Variants in TCP11L2 observed in about 807,000 individuals in gnomAD.
TCP11L2 encodes T-complex protein 11-like protein 2.
In TCP11L2, 39 loss-of-function variants were observed where a neutral mutation model predicts 50.7. The ratio of observed to expected loss-of-function variants is 0.77; its 90% CI spans 0.60 to 1.01. TCP11L2 has a LOEUF of 1.01. TCP11L2 is among the 50% of genes least tolerant of loss of function. The pLI is 0.00. For missense variants in TCP11L2, 612 were observed against 614.7 expected (o/e 1.00, Z 0.05); for synonymous variants, 192 against 219.3 (o/e 0.88, Z 1.10).
chr12:106,307,704 C>T (rs184533412), intron 1 of TCP11L2, among the ~76,000 whole-genome samples: 1 of 152,234 alleles, frequency 6.6e-6, no homozygotes, highest in East Asian at 1.9e-4. Context: ...CAAACAAGTG[C>T]CAAGAGTTCT....
At chr12:106,302,388 CCCCGCTCAGCCCCCGCTCAG>C (rs2034445627), upstream of TCP11L2, among the ~76,000 whole-genome samples, 1 of 89,224 alleles carries the variant, frequency 1.1e-5, no homozygotes, top group Non-Finnish European at 2.3e-5. Context: ...CCCGCTCAGC[CCCCGCTCAGCCCCCGCTCAG>C]CCCCCGCTCC....
intron 7 of TCP11L2, 53 bp from the exon 8 acceptor site, chr12:106,335,979 T>G (rs2035905011): frequency 6.6e-7 from 1 of 1,516,910 alleles, no homozygotes; most frequent in Non-Finnish European, 8.8e-7. Context: ...GTTTTGTATT[T>G]TCATGCTATT....
At chr12:106,330,043 T>C in intron 6 of TCP11L2, 3 of 985,462 alleles carry the variant, frequency 3.0e-6, no homozygotes, top group Non-Finnish European at 3.6e-6. Flanking sequence ...TCTTGGCAAT[T>C]GTCACCTTAT....
chr12:106,335,976 ATTTTC>A, intron 7 of TCP11L2, 51 bp from the exon 8 acceptor site: 1 of 1,515,140 alleles, frequency 6.6e-7, no homozygotes, highest in Non-Finnish European at 8.8e-7. Flanking sequence ...CCTGTTTTGT[ATTTTC>A]ATGCTATTGA....
upstream of TCP11L2, among the ~76,000 whole-genome samples, chr12:106,300,506 A>G (rs2034392229): frequency 6.6e-6 from 1 of 151,802 alleles, no homozygotes; most frequent in Admixed American, 6.6e-5. Flanking sequence ...ATTTTTTTGT[A>G]TTTTTAGTAG....
chr12:106,302,499 C>T (rs1310796480), upstream of TCP11L2, among the ~76,000 whole-genome samples: 1 of 151,054 alleles, frequency 6.6e-6, no homozygotes, highest in Non-Finnish European at 1.5e-5. Context: ...GGCCTCAGTT[C>T]CGTAAACACT....
chr12:106,333,648 CAT>C (rs2035815790), intron 6 of TCP11L2, among the ~76,000 whole-genome samples: 4 of 151,870 alleles, frequency 2.6e-5, no homozygotes, highest in East Asian at 1.9e-4. Flanking sequence ...TAAATATAAA[CAT>C]ATTTATATAT....
intron 1 of TCP11L2, chr12:106,307,475 T>A (rs775203252): frequency 6.6e-6 from 1 of 152,234 alleles, no homozygotes; most frequent in Non-Finnish European, 1.5e-5. Context: ...TTACCTTTCT[T>A]AAAGATACAG....
chr12:106,318,935 C>T (rs1228663249), intron 4 of TCP11L2, among the ~76,000 whole-genome samples: 3 of 150,246 alleles, frequency 2.0e-5, no homozygotes, highest in African/African-American at 7.4e-5. Flanking sequence ...GACGGAGTCT[C>T]ACTCTGTCGC....
At chr12:106,311,463 CTGA>C (rs892206786) in intron 2 of TCP11L2, among the ~76,000 whole-genome samples, 43 of 152,312 alleles carry the variant, frequency 2.8e-4, no homozygotes, top group African/African-American at 1.0e-3. Context: ...CTGTTTCGGT[CTGA>C]TGATAAGTCA....
rs2035002456 is a variant in TCP11L2, at chr12:106,314,572, TGTGTGAGAGAGAGAGA to T, written c.293+81_293+96del. The T allele has an allele frequency of 5.9e-6, 5 of 840,814 alleles. No individual in the cohort carries two copies. In the South Asian group the frequency reaches 7.9e-5, roughly 13 times the overall value. 52.1% of individuals were successfully genotyped at this position (840,814 alleles called of 1,614,324 possible). On this transcript the variant is annotated intron_variant, in intron 3 of 9. Transcript: ENST00000299045. Reference sequence around the variant, plus strand: ...GTGTGTGTGTGTGTGTGTGTGTGTGTGTGTGAGAGAGAGAGAGAGAGAGAGAGAGACAGAGAGAGAG... The same window carrying T: ...GTGTGTGTGTGTGTGTGTGTGTGTGTGAGAGAGAGAGAGACAGAGAGAGAG...
chr12:106,334,194 C>T (rs1471286842), intron 6 of TCP11L2, among the ~76,000 whole-genome samples: 1 of 152,028 alleles, frequency 6.6e-6, no homozygotes, highest in African/African-American at 2.4e-5. Flanking sequence ...GTCAGAAAAG[C>T]CAGGGAAAGA....
chr12:106,312,376 A>G (rs2034896059), intron 2 of TCP11L2: 2 of 1,238,906 alleles, frequency 1.6e-6, no homozygotes, highest in African/African-American at 1.6e-5. Flanking sequence ...GTATATAGAC[A>G]TTTTTAAGGA....
At chr12:106,301,667 G>GT (rs2034419620), upstream of TCP11L2, among the ~76,000 whole-genome samples, 1 of 152,208 alleles carries the variant, frequency 6.6e-6, no homozygotes, top group South Asian at 2.1e-4. Context: ...CAAACTTCAT[G>GT]TAAGTAGTTC....
intron 6 of TCP11L2, among the ~76,000 whole-genome samples, chr12:106,335,051 T>C (rs2035869558): frequency 6.6e-6 from 1 of 152,198 alleles, no homozygotes; most frequent in Non-Finnish European, 1.5e-5. Context: ...CAATTGTTTG[T>C]GGACATGTGC....
intron 6 of TCP11L2, chr12:106,329,206 C>T: frequency 3.4e-6 from 4 of 1,189,422 alleles, no homozygotes; most frequent in Non-Finnish European, 4.8e-6. Flanking sequence ...TTCTCGAGTG[C>T]AGGGACTGTG....
intron 2 of TCP11L2, 47 bp downstream of exon 2, chr12:106,311,279 A>G (rs1358728477): frequency 1.3e-6 from 2 of 1,595,328 alleles, no homozygotes; most frequent in Non-Finnish European, 1.7e-6. Flanking sequence ...GGGTACTTCT[A>G]GATATGTGTT....
chr12:106,315,221 GTA>G (rs2035031433), intron 3 of TCP11L2, among the ~76,000 whole-genome samples: 1 of 151,920 alleles, frequency 6.6e-6, no homozygotes, highest in South Asian at 2.1e-4. Context: ...GCGCAACAGA[GTA>G]CTCCGTCTCA....
chr12:106,334,426 TC>T (rs2035841594), intron 6 of TCP11L2, among the ~76,000 whole-genome samples: 1 of 152,154 alleles, frequency 6.6e-6, no homozygotes, highest in Admixed American at 6.5e-5. Context: ...CCTAGAATAC[TC>T]CTTTCCTATT....
Sources: gnomAD v4.1 joint callset for allele counts (sites outside exome capture counted in the v4.1 genomes callset) on GRCh38, gnomAD v4.1.1 for gene constraint, MANE v1.5 for transcripts, NCBI Gene and HGNC (gene_info 2026-07-23, HGNC 2026-07-21) for gene names.